Variants in PKN2 observed in about 807,000 individuals in gnomAD.
PKN2 encodes the protein protein kinase N2.
A neutral mutation model predicts 119.1 loss-of-function variants in PKN2; 38 were observed. That is an observed-to-expected ratio of 0.32 (90% CI 0.25 to 0.42). The LOEUF (loss-of-function observed/expected upper bound fraction) is 0.42. Among genes scored for constraint, PKN2 ranks in the 10% least tolerant of loss-of-function variants. PKN2 has a pLI of 1.00. For synonymous variants in PKN2, 390 were observed against 384.9 expected (o/e 1.01, Z -0.15); for missense variants, 850 against 1,165.1 (o/e 0.73, Z 3.94).
chr1:88,760,858 C>T (rs1387266188), intron 3 of PKN2, among the ~76,000 whole-genome samples: 6 of 151,736 alleles, frequency 4.0e-5, no homozygotes, highest in Non-Finnish European at 8.8e-5. Context: ...AAAATTTTAC[C>T]TTATGGGTAA....
chr1:88,764,069 G>A (rs1195009479), intron 3 of PKN2, among the ~76,000 whole-genome samples: 3 of 152,088 alleles, frequency 2.0e-5, no homozygotes, highest in South Asian at 2.1e-4. Context: ...CCCTCCAATG[G>A]TTTTCCCTCA....
At chr1:88,831,998 G>C (rs1174908023) in intron 19 of PKN2, among the ~76,000 whole-genome samples, 1 of 151,896 alleles carries the variant, frequency 6.6e-6, no homozygotes, top group Non-Finnish European at 1.5e-5. Flanking sequence ...ACTTTTTTAT[G>C]TCTCAGGGTC....
intron 1 of PKN2, among the ~76,000 whole-genome samples, chr1:88,695,216 C>T (rs1373008017): frequency 6.6e-6 from 1 of 152,054 alleles, no homozygotes; most frequent in East Asian, 1.9e-4. Context: ...ATAGAAACAT[C>T]TACACATAGC....
chr1:88,799,777 A>T (rs1247029204), intron 8 of PKN2, among the ~76,000 whole-genome samples: 2 of 152,120 alleles, frequency 1.3e-5, no homozygotes, highest in African/African-American at 4.8e-5. Flanking sequence ...TTGTCCTCAG[A>T]TTCTTTTCAT....
intron 1 of PKN2, among the ~76,000 whole-genome samples, chr1:88,738,128 A>G (rs1029594742): frequency 6.6e-6 from 1 of 151,656 alleles, no homozygotes; most frequent in African/African-American, 2.4e-5. Context: ...CCTTAATTGT[A>G]AAGGAAGAAT....
chr1:88,816,411 T>C (rs544011513), intron 16 of PKN2, among the ~76,000 whole-genome samples: 1 of 151,782 alleles, frequency 6.6e-6, no homozygotes, highest in South Asian at 2.1e-4. Flanking sequence ...CATGCCTGGC[T>C]AATTTTTGTA....
chr1:88,695,683 C>T (rs1288939345), intron 1 of PKN2, among the ~76,000 whole-genome samples: 1 of 152,078 alleles, frequency 6.6e-6, no homozygotes, highest in Non-Finnish European at 1.5e-5. Flanking sequence ...GTTAGCCATC[C>T]TTTTTATTTC....
intron 1 of PKN2, chr1:88,685,201 A>C (rs1031810379): frequency 1.3e-5 from 2 of 151,864 alleles, no homozygotes; most frequent in African/African-American, 4.8e-5. Flanking sequence ...TCTTCAGGTG[A>C]CAGAGTTTCT....
At chr1:88,765,685 TAA>T (rs1253404283) in intron 3 of PKN2, among the ~76,000 whole-genome samples, 1 of 152,240 alleles carries the variant, frequency 6.6e-6, no homozygotes, top group African/African-American at 2.4e-5. Flanking sequence ...GTCGTCGTTA[TAA>T]AAGCACTTAA....
chr1:88,823,837 C>T (rs976099690), intron 17 of PKN2, among the ~76,000 whole-genome samples: 1 of 151,384 alleles, frequency 6.6e-6, no homozygotes, highest in African/African-American at 2.4e-5. Flanking sequence ...AGTGAAACCG[C>T]CTCTCTAATA....
chr1:88,799,140 G>C (rs1339494644), intron 8 of PKN2, among the ~76,000 whole-genome samples: 1 of 152,254 alleles, frequency 6.6e-6, no homozygotes, highest in African/African-American at 2.4e-5. Flanking sequence ...ATAGGAAGCA[G>C]TTGTGCATAG....
At chr1:88,831,352 T>G (rs1672727311) in intron 19 of PKN2, among the ~76,000 whole-genome samples, 1 of 151,540 alleles carries the variant, frequency 6.6e-6, no homozygotes, top group South Asian at 2.1e-4. Context: ...AAGACCAAAG[T>G]GCTGTCTTTG....
chr1:88,766,921 T>A (rs982870206), intron 3 of PKN2, among the ~76,000 whole-genome samples: 1 of 152,178 alleles, frequency 6.6e-6, no homozygotes, highest in African/African-American at 2.4e-5. Context: ...AAAATTCACC[T>A]ATTTTTAAAA....
chr1:88,780,994 T>C, intron 6 of PKN2: 1 of 684,758 alleles, frequency 1.5e-6, no homozygotes, highest in Non-Finnish European at 1.8e-6. Flanking sequence ...CTCAAAGTTA[T>C]ATAAGTCACC....
intron 1 of PKN2, among the ~76,000 whole-genome samples, chr1:88,736,417 G>A (rs1243583204): frequency 5.9e-5 from 9 of 152,084 alleles, no homozygotes; most frequent in South Asian, 2.1e-4. Flanking sequence ...AGGCTGGAGT[G>A]CAGTGGAATG....
intron 1 of PKN2, among the ~76,000 whole-genome samples, chr1:88,728,557 T>C (rs1667993377): frequency 6.6e-6 from 1 of 152,030 alleles, no homozygotes; most frequent in African/African-American, 2.4e-5. Context: ...CTTGAACAGG[T>C]TTAGATTTAC....
At chr1:88,753,017 T>G (rs1044863877) in intron 2 of PKN2, among the ~76,000 whole-genome samples, 2 of 152,068 alleles carry the variant, frequency 1.3e-5, no homozygotes, top group African/African-American at 4.8e-5. Context: ...AGTTCGATTG[T>G]TTTGGAAATT....
chr1:88,736,047 C>G (rs1293163194), intron 1 of PKN2, among the ~76,000 whole-genome samples: 3 of 152,124 alleles, frequency 2.0e-5, no homozygotes. Context: ...TGTTTCTCCT[C>G]CAGCTATGTG....
intron 1 of PKN2, among the ~76,000 whole-genome samples, chr1:88,695,389 C>G (rs776687122): frequency 1.1e-4 from 17 of 152,120 alleles, no homozygotes; most frequent in Non-Finnish European, 2.4e-4. Flanking sequence ...CCTTACCTAG[C>G]TCAGTAATAC....
Sources: allele counts gnomAD v4.1 joint callset (sites outside exome capture counted in the v4.1 genomes callset), GRCh38; gene constraint gnomAD v4.1.1; transcripts MANE v1.5; gene names NCBI Gene and HGNC (gene_info 2026-07-23, HGNC 2026-07-21).